Variants in CDH1 observed in about 807,000 individuals in gnomAD.
CDH1 encodes cadherin-1.
In CDH1, 35 loss-of-function variants were observed where a neutral mutation model predicts 84.5. The observed-to-expected ratio is 0.41, with a 90% CI of 0.32 to 0.55. CDH1 has a LOEUF of 0.55. CDH1 is among the 20% of genes least tolerant of loss of function. CDH1 has a pLI of 0.19. For missense variants in CDH1, 994 were observed against 1,126.6 expected (o/e 0.88, Z 1.68); for synonymous variants, 417 against 439.0 (o/e 0.95, Z 0.63).
At chr16:68,759,292 G>C (rs1007950124) in intron 2 of CDH1, among the ~76,000 whole-genome samples, 6 of 152,134 alleles carry the variant, frequency 3.9e-5, no homozygotes, top group African/African-American at 1.4e-4. Context: ...GAGCCCAAGA[G>C]TTCAAGACCA....
chr16:68,739,860 C>T (rs7196318), intron 2 of CDH1, among the ~76,000 whole-genome samples: 122,282 of 151,788 alleles, frequency 0.81, 50,012 homozygotes, highest in Non-Finnish European at 0.89. Context: ...GGTGACCCAC[C>T]TGCCTCAATC....
At position 68,737,361 on chromosome 16, in the gene CDH1, C is replaced by G. The variant is rs2152113877; in HGVS notation, c.-55C>G. The G allele has an allele frequency of 6.8e-7, 1 of 1,475,832 alleles. No homozygotes were observed. Among genetic ancestry groups the G allele is most frequent in the Non-Finnish European group, 9.1e-7 (1 of 1,099,410 alleles). 91.4% of individuals were successfully genotyped at this position (1,475,832 alleles called of 1,614,324 possible). On this transcript the variant is annotated 5_prime_UTR_variant, in exon 1 of 16. Transcript: ENST00000261769. ...GTTCAGACTCCAGCCCGCTCCAGCCCGGCCCGACCCGACCGCACCCGGCGC... is the reference window on the plus strand; with the variant it reads ...GTTCAGACTCCAGCCCGCTCCAGCCGGGCCCGACCCGACCGCACCCGGCGC...
intron 6 of CDH1, 58 bp from the exon 7 acceptor site, chr16:68,811,626 A>C: frequency 6.7e-7 from 1 of 1,489,196 alleles, no homozygotes; most frequent in Non-Finnish European, 9.4e-7. Context: ...ATTAAGCAGT[A>C]TTGACCCAGT....
At chr16:68,781,514 CT>C (rs1363475766) in intron 2 of CDH1, among the ~76,000 whole-genome samples, 3 of 152,058 alleles carry the variant, frequency 2.0e-5, no homozygotes, top group East Asian at 3.9e-4. Flanking sequence ...CTAATTTTTT[CT>C]TTTTTTAGAG....
At chr16:68,746,365 CA>C (rs1489945886) in intron 2 of CDH1, among the ~76,000 whole-genome samples, 1 of 152,058 alleles carries the variant, frequency 6.6e-6, no homozygotes, top group Non-Finnish European at 1.5e-5. Context: ...GTGGAGGATG[CA>C]GTGAGCCGAG....
chr16:68,747,512 A>G (rs1567476276), intron 2 of CDH1, among the ~76,000 whole-genome samples: 1 of 152,184 alleles, frequency 6.6e-6, no homozygotes, highest in African/African-American at 2.4e-5. Flanking sequence ...TGTATGGCAG[A>G]CAGTGAAGTC....
intron 2 of CDH1, among the ~76,000 whole-genome samples, chr16:68,775,254 C>A (rs1959698403): frequency 6.6e-6 from 1 of 152,188 alleles, no homozygotes; most frequent in African/African-American, 2.4e-5. Context: ...TGAAAGTACG[C>A]TGCAGGCATG....
intron 2 of CDH1, among the ~76,000 whole-genome samples, chr16:68,759,537 T>C (rs2152118933): frequency 6.6e-6 from 1 of 151,422 alleles, no homozygotes; most frequent in Admixed American, 6.6e-5. Flanking sequence ...TTGCCTGGGC[T>C]GGAGTGCAAT....
intron 14 of CDH1, 128 bp from the exon 15 acceptor site, chr16:68,829,526 A>T (rs544511031): frequency 2.1e-6 from 2 of 949,092 alleles, no homozygotes; most frequent in Admixed American, 2.0e-5. Context: ...TTTGCATTAA[A>T]CTGGTAAAGA....
intron 2 of CDH1, among the ~76,000 whole-genome samples, chr16:68,746,475 A>G (rs945989768): frequency 6.6e-6 from 1 of 152,084 alleles, no homozygotes; most frequent in Non-Finnish European, 1.5e-5. Context: ...CTGCCACTCA[A>G]TGCATTTCCC....
At chr16:68,772,872 A>C (rs1438121600) in intron 2 of CDH1, among the ~76,000 whole-genome samples, 1 of 152,048 alleles carries the variant, frequency 6.6e-6, no homozygotes, top group Non-Finnish European at 1.5e-5. Flanking sequence ...TGCTGCAGTG[A>C]GCCATGATTG....
intron 8 of CDH1, among the ~76,000 whole-genome samples, chr16:68,812,506 AGTCTCATG>A (rs1263142785): frequency 2.0e-5 from 3 of 152,218 alleles, no homozygotes; most frequent in African/African-American, 7.2e-5. Flanking sequence ...CTGATTTCAT[AGTCTCATG>A]GTACATTTTT....
At chr16:68,801,232 C>T (rs1960490447) in intron 2 of CDH1, among the ~76,000 whole-genome samples, 1 of 152,170 alleles carries the variant, frequency 6.6e-6, no homozygotes, top group South Asian at 2.1e-4. Flanking sequence ...CTGCCTCAGC[C>T]TCCCAAGTGG....
chr16:68,801,951 G>T (rs1458911647), intron 3 of CDH1, 58 bp downstream of exon 3: 1 of 1,405,814 alleles, frequency 7.1e-7, no homozygotes, highest in Non-Finnish European at 1.0e-6. Flanking sequence ...TCTAATCCAG[G>T]TTTCTCAGCC....
chr16:68,832,129 G>A (rs999506009), intron 15 of CDH1, among the ~76,000 whole-genome samples: 26 of 151,930 alleles, frequency 1.7e-4, no homozygotes, highest in African/African-American at 6.3e-4. Flanking sequence ...ACTGGGGTTC[G>A]CTTAAGGGAG....
chr16:68,831,885 A>G (rs1961493941), intron 15 of CDH1, among the ~76,000 whole-genome samples: 1 of 152,084 alleles, frequency 6.6e-6, no homozygotes, highest in Non-Finnish European at 1.5e-5. Flanking sequence ...TCCTCCATTC[A>G]TACTCATTTG....
At chr16:68,809,018 G>T in intron 5 of CDH1, 170 bp downstream of exon 5, 1 of 661,328 alleles carries the variant, frequency 1.5e-6, no homozygotes, top group Non-Finnish European at 2.6e-6. Context: ...GGACAGTTTG[G>T]GGTTGTTAAT....
At chr16:68,753,497 C>G (rs117773923) in intron 2 of CDH1, among the ~76,000 whole-genome samples, 8,946 of 151,796 alleles carry the variant, frequency 0.059, 337 homozygotes, top group Non-Finnish European at 0.086. Context: ...AGCCACCATG[C>G]CCGGCTAATT....
At chr16:68,829,953 CT>C (rs67262350) in intron 15 of CDH1, among the ~76,000 whole-genome samples, 156 bp downstream of exon 15, 4 of 102,218 alleles carry the variant, frequency 3.9e-5, no homozygotes, top group African/African-American at 2.0e-4. Flanking sequence ...CTTTTTTTTT[CT>C]TTTTCTTTTT....
Sources: gnomAD v4.1 joint callset for allele counts (sites outside exome capture counted in the v4.1 genomes callset) on GRCh38, gnomAD v4.1.1 for gene constraint, MANE v1.5 for transcripts, NCBI Gene and HGNC (gene_info 2026-07-23, HGNC 2026-07-21) for gene names.